The following DHX38 variants were observed in gnomAD, a reference collection of about 807,000 sequenced individuals.
DHX38 encodes pre-mRNA-splicing factor ATP-dependent RNA helicase PRP16.
A neutral mutation model predicts 153.1 loss-of-function variants in DHX38; 100 were observed. That is an observed-to-expected ratio of 0.65 (90% CI 0.56 to 0.77). The LOEUF (loss-of-function observed/expected upper bound fraction) is 0.77. Ranked by LOEUF, DHX38 falls within the 30% of genes least tolerant of loss-of-function variation. The pLI is 0.00. For missense variants in DHX38, 1,440 were observed against 1,654.0 expected, an observed-to-expected ratio of 0.87 and a Z score of 2.24; for synonymous variants, 650 against 631.7, an observed-to-expected ratio of 1.03 and a Z score of -0.43.
chr16:72,099,884 T>C lies in DHX38; in HGVS notation c.1113T>C (p.Asn371=), dbSNP rs2042076976. The change falls in exon 8 of 27, where the codon AAT becomes AAC. Residue 371 remains asparagine, a synonymous_variant. Transcript: ENST00000268482. ...KRISAQRRQI[N]EDNERWETNR... is the part of the protein sequence containing the mutation. ...TTTCAGCTCAGCGGAGACAGATCAA[T>C]GAGGTGAGGCTGCCTGCAGAAGTTG... The C allele has an allele frequency of 1.2e-6, 2 of 1,603,062 alleles. No homozygotes were observed. The highest frequency in any genetic ancestry group is 2.2e-5 in the South Asian group (2 of 89,398).
At position 72,106,123 on chromosome 16, in the gene DHX38, A is replaced by G; in HGVS notation, c.2600+6A>G. 1.2e-6 allele frequency: 2 copies of G among 1,613,860 alleles called. No individual in the cohort carries two copies. The highest frequency in any genetic ancestry group is 1.7e-6 in the Non-Finnish European group (2 of 1,179,900). The stretch of plus-strand genomic sequence containing the variant: ...GGCCCAGGTCAGTGTTTCAGGTAGG[A>G]GCCCTGTGCTAGCCTGCTTTCTGGG... On this transcript the variant is annotated splice_donor_region_variant and intron_variant, in intron 19 of 26. Transcript: ENST00000268482.
chr16:72,111,242 GGAGTTCCT>G (rs1212077654), intron 26 of DHX38, among the ~76,000 whole-genome samples, 165 bp downstream of exon 26: 2 of 152,248 alleles, frequency 1.3e-5, no homozygotes, highest in African/African-American at 2.4e-5. Flanking sequence ...ATGTGTGGGA[GGAGTTCCT>G]GACAGCTTTA....
chr16:72,099,124 C>T lies in DHX38; in HGVS notation c.883+79C>T, dbSNP rs910317084. 3 of 1,593,724 alleles carry T rather than the reference C, an allele frequency of 1.9e-6. No individual in the cohort carries two copies. The African/African-American group carries it at 4.0e-5, about 21-fold the overall frequency. ...ATGAGCAGGGGCTGCCCTTCTGGAG[C>T]TGCATGGCCCTGCAGATCTGTCTGG... On this transcript the variant is annotated intron_variant, in intron 6 of 26. Transcript: ENST00000268482.
chr16:72,101,951 C>G (rs753236602), intron 11 of DHX38, among the ~76,000 whole-genome samples: 4 of 152,212 alleles, frequency 2.6e-5, no homozygotes, highest in African/African-American at 4.8e-5. Context: ...AGCCACTCTG[C>G]TGAAGTACCT....
intron 21 of DHX38, 78 bp from the exon 22 acceptor site, chr16:72,108,149 G>C: frequency 6.6e-7 from 1 of 1,508,288 alleles, no homozygotes; most frequent in Non-Finnish European, 9.1e-7. Context: ...GTAGGTGGTA[G>C]TGTTAGAACC....
At chr16:72,108,437 A>C (rs1488515659) in intron 22 of DHX38, 36 bp from the exon 23 acceptor site, 1 of 1,613,696 alleles carries the variant, frequency 6.2e-7, no homozygotes, top group Admixed American at 1.7e-5. Flanking sequence ...AGAGGAAAGG[A>C]GGGCTCCCTC....
rs1483187734 is a variant in DHX38, at chr16:72,110,905, C to A, written c.3478-51C>A. ...GGGACTTGGGTGCCGACGAGGCCTC[C>A]TTCCTTAGTGGTCCCCAGTAGGCTC... On this transcript the variant is annotated intron_variant, in intron 25 of 26. Coordinates refer to ENST00000268482, the MANE Select transcript of DHX38 (RefSeq NM_014003.4). The A allele has an allele frequency of 2.6e-6, 4 of 1,527,650 alleles. No individual in the cohort carries two copies. In the African/African-American group the frequency reaches 5.5e-5, roughly 21 times the overall value. 94.6% of individuals were successfully genotyped at this position (1,527,650 alleles called of 1,614,324 possible). A position where few individuals can be genotyped will look rare whatever the true frequency, so the allele number is the denominator to read the frequency against.
intron 11 of DHX38, among the ~76,000 whole-genome samples, chr16:72,101,876 T>A (rs565908589): frequency 6.6e-6 from 1 of 152,262 alleles, no homozygotes; most frequent in South Asian, 2.1e-4. Flanking sequence ...GTTAAGTAAC[T>A]TGTCTGAGGT....
Position 72,096,152 on chromosome 16 carries a change from C to A in DHX38, c.-6C>A. 6.3e-7 allele frequency: 1 copy of A among 1,590,000 alleles called. No homozygotes were observed. On this transcript the variant is annotated 5_prime_UTR_variant, in exon 2 of 27. Transcript: ENST00000268482. ...CCTTCCTTCCAGAGAAATCCCAGAT[C>A]CTGTGATGGGGGACACCAGTGAGGA... is the stretch of plus-strand genomic sequence containing the variant.
chr16:72,096,598 A>G (rs573118433), intron 2 of DHX38, 118 bp downstream of exon 2: 62 of 1,466,014 alleles, frequency 4.2e-5, no homozygotes, highest in Non-Finnish European at 5.5e-5. Flanking sequence ...TTTTATTATG[A>G]TTCTGTAATA....
rs1567602496 is a variant in DHX38, at chr16:72,096,376, G to A, written c.219G>A (p.Lys73=). Residue 73 remains lysine, a synonymous_variant, in exon 2 of 27, where the codon AAG becomes AAA. Coordinates refer to ENST00000268482, the MANE Select transcript of DHX38 (RefSeq NM_014003.4). ...AGGACGATGGGGAGGACAAGAAGAA[G>A]TCCAAAGTCTCCTCCTACAAGGACT... ...EEKDDGEDKK[K]SKVSSYKDWE... The A allele has an allele frequency of 6.2e-7, 1 of 1,614,228 alleles. No homozygotes were observed. The highest frequency in any genetic ancestry group is 1.7e-5 in the Admixed American group (1 of 60,020).
rs2042149267 is a variant in DHX38, at chr16:72,104,692, C to A, written c.2151+66C>A. On this transcript the variant is annotated intron_variant, in intron 15 of 26. Coordinates refer to ENST00000268482, the MANE Select transcript of DHX38 (RefSeq NM_014003.4). This position sits in a 1 kb window ranked among gnomAD's most constrained non-coding sequence, Gnocchi z 4.5. ...ACGCACTTCTCTGATGCGAAGCCGG[C>A]TGGAGGGTGGAGGGTGGGTAGGGGA... 1.9e-6 allele frequency: 3 copies of A among 1,601,664 alleles called. No homozygotes were observed. In the South Asian group the frequency reaches 3.3e-5, roughly 18 times the overall value.
chr16:72,106,115 C>T lies in DHX38; in HGVS notation c.2598C>T (p.Phe866=). The change falls in exon 19 of 27, where the codon TTC becomes TTT. Residue 866 remains phenylalanine (F), a splice_region_variant and synonymous_variant. Transcript: ENST00000268482. ...RAGRTGPGQC[F]RLYTQSAYKN... ...GCAGGACGGGCCCAGGTCAGTGTTT[C>T]AGGTAGGAGCCCTGTGCTAGCCTGC... 1.2e-6 allele frequency: 2 copies of T among 1,614,084 alleles called. No homozygotes were observed. Among genetic ancestry groups the T allele is most frequent in the Non-Finnish European group, 1.7e-6 (2 of 1,179,998 alleles).
rs2042057690 is a variant in DHX38 at position 72,098,853 on chromosome 16, G to A, written c.764+61G>A. 42 of 1,613,450 alleles carry A rather than the reference G, an allele frequency of 2.6e-5. No homozygotes were observed. In the South Asian group the frequency reaches 4.0e-4, roughly 15 times the overall value. ...GTGGGCGGTAAGGAGCCTCGGCAGG[G>A]AGAGCAGATGGTGGCCAGGAGGACG... On this transcript the variant is annotated intron_variant, in intron 5 of 26. Coordinates refer to ENST00000268482, the MANE Select transcript of DHX38 (RefSeq NM_014003.4).
rs2042011543 is a variant in DHX38 at position 72,095,997 on chromosome 16, T to TG, written c.-19-140dup. Reference sequence around the variant, plus strand: ...AGGCAGTGACTTGATGGAAAGGTCTTGGAGAGAGGGAGCAAAAGTAGTCCT... The same window carrying TG: ...AGGCAGTGACTTGATGGAAAGGTCTTGGGAGAGAGGGAGCAAAAGTAGTCCT... On this transcript the variant is annotated intron_variant, in intron 1 of 26. Coordinates refer to ENST00000268482, the MANE Select transcript of DHX38 (RefSeq NM_014003.4). 7.5e-5 allele frequency: 62 copies of TG among 830,174 alleles called. 1 individual carries two copies. In the South Asian group the frequency reaches 1.1e-3, roughly 15 times the overall value. 51.4% of individuals were successfully genotyped at this position (830,174 alleles called of 1,614,324 possible). A position where few individuals can be genotyped will look rare whatever the true frequency, so the allele number is the denominator to read the frequency against.
At chr16:72,094,933 C>G (rs145058711) in intron 1 of DHX38, among the ~76,000 whole-genome samples, 1 of 152,212 alleles carries the variant, frequency 6.6e-6, no homozygotes, top group East Asian at 1.9e-4. Context: ...TGTGGATTTC[C>G]TCACATGCGC....
At chr16:72,110,286 G>C (rs1250242061) in intron 25 of DHX38, among the ~76,000 whole-genome samples, 1 of 152,214 alleles carries the variant, frequency 6.6e-6, no homozygotes, top group South Asian at 2.1e-4. Flanking sequence ...GTAAGCTGGC[G>C]ATGAGTCCAA....
chr16:72,107,571 AT>A lies in DHX38; in HGVS notation c.2809+24del. On this transcript the variant is annotated intron_variant, in intron 20 of 26. Transcript: ENST00000268482. The surrounding 1 kb of genome is among the most constrained non-coding windows in gnomAD (Gnocchi z 5.3). ...CAGGTGAGGCGGCCCCGGGAGCCTC[AT>A]GGGTGCTGGCGCTTGACTTCCTTCT... 1 of 1,610,232 alleles carries A rather than the reference AT, an allele frequency of 6.2e-7. No homozygotes were observed. The highest frequency in any genetic ancestry group is 2.2e-5 in the East Asian group (1 of 44,766).
In DHX38 at chr16:72,107,927, T is replaced by C; in HGVS notation, c.2964+128T>C. 1.5e-6 allele frequency: 2 copies of C among 1,357,410 alleles called. No individual in the cohort carries two copies. Among genetic ancestry groups the C allele is most frequent in the African/African-American group, 1.5e-5 (1 of 68,552 alleles). The allele number at this position is 1,357,410 out of a possible 1,614,324, so 84.1% of individuals were successfully genotyped here. On this transcript the variant is annotated intron_variant, in intron 21 of 26. Coordinates refer to ENST00000268482, the MANE Select transcript of DHX38 (RefSeq NM_014003.4). The surrounding 1 kb of genome is among the most constrained non-coding windows in gnomAD (Gnocchi z 5.3). ...CAGAGTTTCTGAAGAATGATTTTGC[T>C]GTTCTCGGTTAAGCAGGTTGGGGTA... is the stretch of plus-strand genomic sequence containing the variant.
Sources: allele counts gnomAD v4.1 joint callset (sites outside exome capture counted in the v4.1 genomes callset), GRCh38; gene constraint gnomAD v4.1.1; non-coding constraint Gnocchi (gnomAD v3.1); transcripts MANE v1.5; gene names NCBI Gene and HGNC (gene_info 2026-07-23, HGNC 2026-07-21).